RNF38: variants seen among roughly 807,000 people sequenced by gnomAD.
The protein encoded by RNF38 is ring finger protein 38, also known as E3 ubiquitin-protein ligase RNF38.
In RNF38, 15 loss-of-function variants were observed where a neutral mutation model predicts 67.2. That is an observed-to-expected ratio of 0.22 (90% confidence interval 0.15 to 0.34). RNF38 has a LOEUF of 0.34. RNF38 is among the 10% of genes least tolerant of loss of function. The pLI is 1.00. For synonymous variants in RNF38, 220 were observed against 218.8 expected, an observed-to-expected ratio of 1.01 and a Z score of -0.05; for missense variants, 524 against 639.9, an observed-to-expected ratio of 0.82 and a Z score of 1.95.
At chr9:36,449,979 G>A (rs1481560705) in intron 1 of RNF38, among the ~76,000 whole-genome samples, 1 of 152,114 alleles carries the variant, frequency 6.6e-6, no homozygotes, top group African/African-American at 2.4e-5. Context: ...TATTCGCTCT[G>A]TTCACAGGAA....
At chr9:36,366,416 G>C (rs1161714002) in intron 4 of RNF38, among the ~76,000 whole-genome samples, 2 of 151,952 alleles carry the variant, frequency 1.3e-5, no homozygotes, top group East Asian at 3.8e-4. Flanking sequence ...TGTCTGGGTT[G>C]TTCAGTGTTA....
At chr9:36,450,831 T>C (rs1416648714) in intron 1 of RNF38, among the ~76,000 whole-genome samples, 1 of 152,172 alleles carries the variant, frequency 6.6e-6, no homozygotes, top group East Asian at 1.9e-4. Context: ...GGAGAATCAC[T>C]TGAACCCAGG....
At chr9:36,399,108 C>A (rs2134127111) in intron 1 of RNF38, among the ~76,000 whole-genome samples, 1 of 152,296 alleles carries the variant, frequency 6.6e-6, no homozygotes, top group South Asian at 2.1e-4. Context: ...TACTCTTCAT[C>A]AAAAATTAGG....
upstream of RNF38, among the ~76,000 whole-genome samples, chr9:36,404,127 G>C (rs1286308948): frequency 6.6e-6 from 1 of 152,022 alleles, no homozygotes; most frequent in Non-Finnish European, 1.5e-5. Context: ...ATTGATTTTT[G>C]GTGTTGGTGA....
At chr9:36,354,452 C>T (rs912372595) in intron 6 of RNF38, among the ~76,000 whole-genome samples, 9 of 152,290 alleles carry the variant, frequency 5.9e-5, no homozygotes, top group African/African-American at 1.4e-4. Context: ...CCACCGCGCA[C>T]GGCCCAGCTT....
intron 1 of RNF38, among the ~76,000 whole-genome samples, chr9:36,473,197 G>A (rs1343675494): frequency 6.6e-6 from 1 of 151,050 alleles, no homozygotes; most frequent in Non-Finnish European, 1.5e-5. Flanking sequence ...ACAGTTGGGG[G>A]TGCCTATAGT....
At chr9:36,373,269 A>T (rs894308950) in intron 3 of RNF38, among the ~76,000 whole-genome samples, 1 of 152,210 alleles carries the variant, frequency 6.6e-6, no homozygotes, top group African/African-American at 2.4e-5. Flanking sequence ...GGATACATAA[A>T]TTGTGTGGTA....
At chr9:36,449,969 T>C (rs1839397351) in intron 1 of RNF38, among the ~76,000 whole-genome samples, 1 of 152,190 alleles carries the variant, frequency 6.6e-6, no homozygotes. Flanking sequence ...TTGACAAACA[T>C]ATTCGCTCTG....
chr9:36,400,926 C>T, upstream of RNF38: 3 of 984,998 alleles, frequency 3.0e-6, no homozygotes, highest in East Asian at 1.1e-4. Flanking sequence ...CCCGCCGCAC[C>T]CCGCCTCACC....
chr9:36,480,609 T>C (rs1291618962), intron 1 of RNF38, among the ~76,000 whole-genome samples: 1 of 143,896 alleles, frequency 6.9e-6, no homozygotes, highest in Non-Finnish European at 1.5e-5. Flanking sequence ...TGGAGGGCAG[T>C]GGCACCATCT....
chr9:36,400,281 C>T (rs116103112), upstream of RNF38: 1 of 1,312,458 alleles, frequency 7.6e-7, no homozygotes, highest in African/African-American at 1.5e-5. Flanking sequence ...CCAGAGAGGA[C>T]CCTTTCGACC....
intron 1 of RNF38, among the ~76,000 whole-genome samples, chr9:36,439,769 C>T (rs1839151582): frequency 7.6e-6 from 1 of 131,778 alleles, no homozygotes; most frequent in Non-Finnish European, 1.6e-5. Context: ...CCAGCCTGGG[C>T]AGCACAGTGA....
intron 9 of RNF38, among the ~76,000 whole-genome samples, chr9:36,347,588 A>G (rs992620664): frequency 6.6e-6 from 1 of 152,220 alleles, no homozygotes; most frequent in Non-Finnish European, 1.5e-5. Flanking sequence ...TATAAGACAG[A>G]AAACTTAATT....
intron 1 of RNF38, among the ~76,000 whole-genome samples, chr9:36,451,351 G>A (rs1839434317): frequency 6.6e-6 from 1 of 151,732 alleles, no homozygotes; most frequent in Non-Finnish European, 1.5e-5. Flanking sequence ...TATAATCCCA[G>A]CTACTCAGGA....
chr9:36,372,715 G>T, intron 3 of RNF38: 1 of 464,950 alleles, frequency 2.2e-6, no homozygotes, highest in Non-Finnish European at 3.8e-6. Context: ...TGCTATGAAC[G>T]AGGACCATGA....
chr9:36,452,328 C>A (rs1010909472), intron 1 of RNF38, among the ~76,000 whole-genome samples: 1 of 152,132 alleles, frequency 6.6e-6, no homozygotes, highest in Non-Finnish European at 1.5e-5. Context: ...CAAAAAGAAA[C>A]CCTGTATCCA....
chr9:36,441,309 T>G (rs1839185797), intron 1 of RNF38, among the ~76,000 whole-genome samples: 1 of 151,766 alleles, frequency 6.6e-6, no homozygotes, highest in Non-Finnish European at 1.5e-5. Context: ...TTTTCATCTG[T>G]TCTGGGTTAC....
At chr9:36,383,994 T>A (rs750723735) in intron 2 of RNF38, among the ~76,000 whole-genome samples, 18 of 152,164 alleles carry the variant, frequency 1.2e-4, no homozygotes, top group Non-Finnish European at 2.5e-4. Flanking sequence ...TAAAGTGGTT[T>A]CCTAAGTCTA....
chr9:36,409,963 C>T (rs989535969), intron 2 of RNF38, among the ~76,000 whole-genome samples: 1 of 152,100 alleles, frequency 6.6e-6, no homozygotes, highest in Non-Finnish European at 1.5e-5. Context: ...TTTATCTTCC[C>T]CTGGCTTGCT....
Sources: allele counts gnomAD v4.1 joint callset (sites outside exome capture counted in the v4.1 genomes callset), GRCh38; gene constraint gnomAD v4.1.1; transcripts MANE v1.5; gene names NCBI Gene and HGNC (gene_info 2026-07-23, HGNC 2026-07-21).